The following FAM171A1 variants were observed in gnomAD, a reference collection of about 807,000 sequenced individuals.
The protein encoded by FAM171A1 is family with sequence similarity 171 member A1.
A neutral mutation model predicts 74.9 loss-of-function variants in FAM171A1; 23 were observed. The ratio of observed to expected loss-of-function variants is 0.31; its 90% CI spans 0.22 to 0.44. The LOEUF (loss-of-function observed/expected upper bound fraction) is 0.44, where lower values mean the gene tolerates loss of function less well. FAM171A1 is among the 20% of genes least tolerant of loss of function. FAM171A1 has a pLI of 1.00. For synonymous variants in FAM171A1, 527 were observed against 505.7 expected (o/e 1.04, Z -0.57); for missense variants, 1,162 against 1,159.2 (o/e 1.00, Z -0.03).
At chr10:15,370,912 C>T (rs1299984073) in intron 1 of FAM171A1, 44 bp downstream of exon 1, 1 of 967,726 alleles carries the variant, frequency 1.0e-6, no homozygotes, top group Non-Finnish European at 1.3e-6. Flanking sequence ...CCGCGCCAGG[C>T]CCGGCGCGAC....
intron 1 of FAM171A1, among the ~76,000 whole-genome samples, chr10:15,369,429 A>G (rs1836107030): frequency 6.6e-6 from 1 of 152,162 alleles, no homozygotes; most frequent in Non-Finnish European, 1.5e-5. Flanking sequence ...GCAATGCAAC[A>G]CTGATGATCT....
intron 5 of FAM171A1, among the ~76,000 whole-genome samples, chr10:15,225,532 G>C (rs1834094189): frequency 6.6e-6 from 1 of 152,206 alleles, no homozygotes; most frequent in African/African-American, 2.4e-5. Flanking sequence ...TTGTGTACTA[G>C]AAACACATGC....
chr10:15,232,036 T>G (rs1406227939), intron 5 of FAM171A1, among the ~76,000 whole-genome samples: 2 of 152,160 alleles, frequency 1.3e-5, no homozygotes, highest in Non-Finnish European at 2.9e-5. Context: ...GAGGCTGCAG[T>G]GAGCCACGGT....
intron 1 of FAM171A1, among the ~76,000 whole-genome samples, chr10:15,307,286 T>G (rs1430805984): frequency 6.6e-6 from 1 of 152,092 alleles, no homozygotes; most frequent in Non-Finnish European, 1.5e-5. Flanking sequence ...ACAGACGTGA[T>G]TCTAACAGGC....
intron 1 of FAM171A1, among the ~76,000 whole-genome samples, chr10:15,358,854 G>A (rs992995301): frequency 2.0e-5 from 3 of 152,222 alleles, no homozygotes; most frequent in Non-Finnish European, 2.9e-5. Flanking sequence ...GATCAACATT[G>A]TGTGAAATTA....
chr10:15,250,377 G>T (rs1411674056), intron 4 of FAM171A1, among the ~76,000 whole-genome samples: 1 of 152,230 alleles, frequency 6.6e-6, no homozygotes, highest in South Asian at 2.1e-4. Context: ...AAATGTGCCA[G>T]CAGCTCAAAG....
In FAM171A1 at chr10:15,248,532, A is replaced by C; in HGVS notation, c.754+107T>G. The C allele has an allele frequency of 3.3e-6, 4 of 1,219,892 alleles. No individual in the cohort carries two copies. In the South Asian group the frequency reaches 6.6e-5, roughly 20 times the overall value. 75.6% of individuals were successfully genotyped at this position (1,219,892 alleles called of 1,614,324 possible). On this transcript the variant is annotated intron_variant, in intron 5 of 7. Transcript: ENST00000378116. ...CACACAATGCAATGTGAGCAGCAGC[A>C]TTCACTGACTTCAAGGAAAGGAGAC...
chr10:15,336,853 T>A (rs1835706680), intron 1 of FAM171A1, among the ~76,000 whole-genome samples: 1 of 152,108 alleles, frequency 6.6e-6, no homozygotes. Flanking sequence ...GATAATAAGT[T>A]CTTAAACTCA....
rs1459353732 is a variant in FAM171A1 at position 15,213,152 on chromosome 10, G to A, written c.2436C>T (p.Ala812=). 1.2e-6 allele frequency: 2 copies of A among 1,614,014 alleles called. No homozygotes were observed. The highest frequency in any genetic ancestry group is 1.7e-6 in the Non-Finnish European group (2 of 1,180,044). ...GTTVCTPEDS[A]LRCLLEGSSR... is the part of the protein sequence containing the mutation. ...TCGACCCCTCCAACAAGCATCGCAG[G>A]GCACTGTCCTCGGGGGTACAGACCG... The change falls in exon 8 of 8, where the codon GCC becomes GCT. Residue 812 remains alanine (A), a synonymous_variant. Coordinates refer to ENST00000378116, the MANE Select transcript of FAM171A1 (RefSeq NM_001010924.2). This position sits in a 1 kb window ranked among gnomAD's most constrained non-coding sequence, Gnocchi z 6.8.
In FAM171A1 at chr10:15,243,808, GACTGAGCA is replaced by G. The variant is rs1461956439; in HGVS notation, c.754+4823_754+4830del. Among the ~76,000 whole-genome samples the G allele has an allele frequency of 8.3e-4, 13 of 15,694 alleles. No homozygotes were observed. In the South Asian group the frequency reaches 0.019, roughly 23 times the overall value. The allele number at this position is 15,694 out of a possible 152,430, so 10.3% of individuals were successfully genotyped here. A position where few individuals can be genotyped will look rare whatever the true frequency, so the allele number is the denominator to read the frequency against. On this transcript the variant is annotated intron_variant, in intron 5 of 7. Transcript: ENST00000378116. ...TATGTATACAGTCAATGTATACATT[GACTGAGCA>G]GCTCACCGCAAGCTCTGCCTCCCGG... is the stretch of plus-strand genomic sequence containing the variant.
chr10:15,345,314 C>T (rs899299576), intron 1 of FAM171A1, among the ~76,000 whole-genome samples: 49 of 152,136 alleles, frequency 3.2e-4, no homozygotes, highest in African/African-American at 1.1e-3. Flanking sequence ...GGGAAGTGTC[C>T]GGACCCTCAG....
rs181392956 is a variant in FAM171A1 at position 15,319,770 on chromosome 10, G to A, written c.98-35665C>T. On this transcript the variant is annotated intron_variant, in intron 1 of 7. Coordinates refer to ENST00000378116, the MANE Select transcript of FAM171A1 (RefSeq NM_001010924.2). ...TTGAACCTAGACCTTCTCAAAAGTCGGGTGGAGGTAGAGGAACCAACAAAA... is the reference window on the plus strand; with the variant it reads ...TTGAACCTAGACCTTCTCAAAAGTCAGGTGGAGGTAGAGGAACCAACAAAA... Among the ~76,000 whole-genome samples the A allele has an allele frequency of 1.6e-3, 237 of 152,174 alleles. 2 individuals carry two copies. Among genetic ancestry groups the A allele is most frequent in the Admixed American group, 3.7e-3 (57 of 15,288 alleles).
At chr10:15,249,199 C>A (rs953957495) in intron 4 of FAM171A1, among the ~76,000 whole-genome samples, 1 of 150,530 alleles carries the variant, frequency 6.6e-6, no homozygotes, top group Admixed American at 6.7e-5. Flanking sequence ...TGGGTTCAAG[C>A]GATCCTCCTG....
chr10:15,247,111 G>A (rs1389282425), intron 5 of FAM171A1, among the ~76,000 whole-genome samples: 2 of 152,200 alleles, frequency 1.3e-5, no homozygotes, highest in African/African-American at 2.4e-5. Flanking sequence ...GGTTAGAATA[G>A]TAACATTTTT....
intron 1 of FAM171A1, among the ~76,000 whole-genome samples, chr10:15,362,356 C>T (rs953405559): frequency 6.6e-6 from 1 of 152,224 alleles, no homozygotes; most frequent in Non-Finnish European, 1.5e-5. Flanking sequence ...CACACTTATG[C>T]TCCTTGAAAT....
At chr10:15,219,361 G>A (rs773768076) in intron 6 of FAM171A1, among the ~76,000 whole-genome samples, 2 of 152,104 alleles carry the variant, frequency 1.3e-5, no homozygotes, top group Non-Finnish European at 2.9e-5. Flanking sequence ...ACTGCATGAT[G>A]GGAAAACTAA....
rs1475870082 is a variant in FAM171A1 at position 15,211,816 on chromosome 10, C to G, written c.*1099G>C. On this transcript the variant is annotated 3_prime_UTR_variant, in exon 8 of 8. Coordinates refer to ENST00000378116, the MANE Select transcript of FAM171A1 (RefSeq NM_001010924.2). ...ATTCAGCTCGCTTGCTCAAACCAGACTCCCACATTGGGTGAGCAAGATGAG... is the reference window on the plus strand; with the variant it reads ...ATTCAGCTCGCTTGCTCAAACCAGAGTCCCACATTGGGTGAGCAAGATGAG... The G allele has an allele frequency of 3.3e-5, 5 of 152,042 alleles. No homozygotes were observed. Among genetic ancestry groups the G allele is most frequent in the African/African-American group, 1.2e-4 (5 of 41,268 alleles). The allele number at this position is 152,042 out of a possible 1,614,324, so 9.4% of individuals were successfully genotyped here.
Position 15,238,712 on chromosome 10 carries a change from G to A in FAM171A1, c.754+9927C>T, listed in dbSNP as rs890750590. Reference sequence around the variant, plus strand: ...TCTACTACAGGCCAATTGTGAGTGGGTATTCCTGAGAGCCTGACACGAATG... The same window carrying A: ...TCTACTACAGGCCAATTGTGAGTGGATATTCCTGAGAGCCTGACACGAATG... On this transcript the variant is annotated intron_variant, in intron 5 of 7. Coordinates refer to ENST00000378116, the MANE Select transcript of FAM171A1 (RefSeq NM_001010924.2). Among the ~76,000 whole-genome samples, 7 of 152,170 alleles carry A rather than the reference G, an allele frequency of 4.6e-5. No individual in the cohort carries two copies. The East Asian group carries it at 1.3e-3, about 29-fold the overall frequency.
chr10:15,284,708 C>T lies in FAM171A1; in HGVS notation c.98-603G>A, dbSNP rs189204119. On this transcript the variant is annotated intron_variant, in intron 1 of 7. Transcript: ENST00000378116. ...GAGGTTACAGGTGTGCCCCACCGTG[C>T]CCAGACAACAATACTCTTTCAATGG... Among the ~76,000 whole-genome samples the T allele has an allele frequency of 2.4e-3, 358 of 152,262 alleles. 2 individuals are homozygous for T. Among genetic ancestry groups the T allele is most frequent in the African/African-American group, 8.0e-3 (333 of 41,578 alleles).
Sources: gnomAD v4.1 joint callset for allele counts (sites outside exome capture counted in the v4.1 genomes callset) on GRCh38, gnomAD v4.1.1 for gene constraint, Gnocchi (gnomAD v3.1) non-coding constraint, MANE v1.5 for transcripts, NCBI Gene and HGNC (gene_info 2026-07-23, HGNC 2026-07-21) for gene names.